C12orf43: variants seen among roughly 807,000 people sequenced by gnomAD.
The protein encoded by C12orf43 is chromosome 12 open reading frame 43.
Under a neutral mutation model 20.6 loss-of-function variants are expected in C12orf43, and 15 were observed. The ratio of observed to expected loss-of-function variants is 0.73; its 90% CI spans 0.49 to 1.12. The LOEUF (loss-of-function observed/expected upper bound fraction) is 1.12. Ranked by LOEUF, C12orf43 falls within the 50% of genes most tolerant of loss-of-function variation. C12orf43 has a pLI of 0.00. For synonymous variants in C12orf43, 144 were observed against 130.8 expected (o/e 1.10, Z -0.69); for missense variants, 334 against 344.4 (o/e 0.97, Z 0.24).
In C12orf43 at chr12:121,004,885, G is replaced by T; in HGVS notation, c.452+118C>A. The stretch of plus-strand genomic sequence containing the variant: ...GAGCTCATGATTTCTCCAGCTGCCT[G>T]ACAGGGCCACTGCCTTGGCCTGGTC... On this transcript the variant is annotated intron_variant, in intron 5 of 5. Transcript: ENST00000288757. The surrounding 1 kb of genome is among the most constrained non-coding windows in gnomAD (Gnocchi z 5.6). 1 of 685,296 alleles carries T rather than the reference G, an allele frequency of 1.5e-6. No homozygotes were observed. Among genetic ancestry groups the T allele is most frequent in the Non-Finnish European group, 2.2e-6 (1 of 449,252 alleles). The allele number at this position is 685,296 out of a possible 1,614,324, so 42.5% of individuals were successfully genotyped here.
intron 1 of C12orf43, chr12:121,012,631 T>C (rs1868481472): frequency 1.8e-6 from 1 of 566,076 alleles, no homozygotes. Flanking sequence ...GGCAGGCGGA[T>C]CACGAGGTCA....
rs1189850844 is a variant in C12orf43, at chr12:121,011,110, C to T, written c.182G>A (p.Ser61Asn). ...AACCCAAAGTGCATAGTACCTGAGG[C>T]TCGGTTGGGAGGTTGACAACTGGCT... ...ANSQLSTSQP[S>N]LRHKVNEHEQ... The change falls in exon 2 of 6, where the codon AGC becomes AAC. Residue 61 changes from serine to asparagine, a missense_variant. Coordinates refer to ENST00000288757, the MANE Select transcript of C12orf43 (RefSeq NM_022895.3). The T allele has an allele frequency of 6.2e-7, 1 of 1,613,968 alleles. No individual in the cohort carries two copies. The highest frequency in any genetic ancestry group is 8.5e-7 in the Non-Finnish European group (1 of 1,179,954).
At chr12:121,013,710 A>G (rs2135886671) in intron 1 of C12orf43, among the ~76,000 whole-genome samples, 1 of 152,342 alleles carries the variant, frequency 6.6e-6, no homozygotes, top group Middle Eastern at 3.4e-3. Flanking sequence ...ATAGTGACCT[A>G]TATTTCCACA....
At position 121,002,251 on chromosome 12, in the gene C12orf43, T is replaced by C; in HGVS notation, c.*1902A>G. On this transcript the variant is annotated 3_prime_UTR_variant, in exon 6 of 6. Transcript: ENST00000288757. The stretch of plus-strand genomic sequence containing the variant: ...TCAGAAGCCTGGGGGCCTGGCTGGC[T>C]GAGGGCAGTTCGCAGCCACCCTGAG... 1 of 440,806 alleles carries C rather than the reference T, an allele frequency of 2.3e-6. No individual in the cohort carries two copies. Among genetic ancestry groups the C allele is most frequent in the South Asian group, 2.0e-5 (1 of 49,394 alleles). The allele number at this position is 440,806 out of a possible 1,614,324, so 27.3% of individuals were successfully genotyped here. A position where few individuals can be genotyped will look rare whatever the true frequency, so the allele number is the denominator to read the frequency against.
intron 1 of C12orf43, 47 bp from the exon 2 acceptor site, chr12:121,011,193 G>A: frequency 6.4e-7 from 1 of 1,559,326 alleles, no homozygotes; most frequent in East Asian, 2.2e-5. Flanking sequence ...AACAATGACA[G>A]CAACAACAAA....
rs549118574 is a variant in C12orf43, at chr12:121,001,794, C to T, written c.*2359G>A. ...TCTGTGCCAGAGCCTGGGGCTCTAA[C>T]GCCTGAGCCCAGGGAGGCCGAAGCT... is the stretch of plus-strand genomic sequence containing the variant. On this transcript the variant is annotated 3_prime_UTR_variant, in exon 6 of 6. Transcript: ENST00000288757. 14 of 536,266 alleles carry T rather than the reference C, an allele frequency of 2.6e-5. No individual in the cohort carries two copies. The highest frequency in any genetic ancestry group is 1.2e-4 in the South Asian group (8 of 65,134). The allele number at this position is 536,266 out of a possible 1,614,324, so 33.2% of individuals were successfully genotyped here.
At chr12:121,014,630 C>A (rs1288541946) in intron 1 of C12orf43, among the ~76,000 whole-genome samples, 268 of 99,190 alleles carry the variant, frequency 2.7e-3, no homozygotes, top group African/African-American at 3.9e-3. Flanking sequence ...AACTCCATCT[C>A]AAAAAAAAAA....
Position 121,003,717 on chromosome 12 carries a change from G to A in C12orf43, c.*436C>T, listed in dbSNP as rs1877717669. The A allele has an allele frequency of 5.8e-6, 1 of 172,404 alleles. No homozygotes were observed. Among genetic ancestry groups the A allele is most frequent in the Non-Finnish European group, 1.2e-5 (1 of 80,794 alleles). 10.7% of individuals were successfully genotyped at this position (172,404 alleles called of 1,614,324 possible). On this transcript the variant is annotated 3_prime_UTR_variant, in exon 6 of 6. Coordinates refer to ENST00000288757, the MANE Select transcript of C12orf43 (RefSeq NM_022895.3). ...GTTTCTCTGGGCCTTGGCCTCTTGG[G>A]GATCCCTTCTCTCATTTTCTAAAAA...
In C12orf43 at chr12:121,001,325, C is replaced by T; in HGVS notation, c.*2828G>A. The T allele has an allele frequency of 8.9e-7, 1 of 1,129,334 alleles. No individual in the cohort carries two copies. Among genetic ancestry groups the T allele is most frequent in the South Asian group, 1.4e-5 (1 of 70,686 alleles). 70.0% of individuals were successfully genotyped at this position (1,129,334 alleles called of 1,614,324 possible). A position where few individuals can be genotyped will look rare whatever the true frequency, so the allele number is the denominator to read the frequency against. Reference sequence around the variant, plus strand: ...CTGGACAGCTGTGCCTCGCTCCCCACTCTGCTCTGATGCATCAGAAAGGGA... The same window carrying T: ...CTGGACAGCTGTGCCTCGCTCCCCATTCTGCTCTGATGCATCAGAAAGGGA... On this transcript the variant is annotated 3_prime_UTR_variant, in exon 6 of 6. Transcript: ENST00000288757.
chr12:121,002,717 G>T lies in C12orf43; in HGVS notation c.*1436C>A. Reference sequence around the variant, plus strand: ...AGCTTCTACTTTTTAAAAAAATTTTGTTTTGGAGACAGGGTCTCACTGTCA... The same window carrying T: ...AGCTTCTACTTTTTAAAAAAATTTTTTTTTGGAGACAGGGTCTCACTGTCA... On this transcript the variant is annotated 3_prime_UTR_variant, in exon 6 of 6. Transcript: ENST00000288757. 3.1e-6 allele frequency: 1 copy of T among 321,852 alleles called. No homozygotes were observed. Among genetic ancestry groups the T allele is most frequent in the South Asian group, 2.5e-5 (1 of 39,416 alleles). The allele number at this position is 321,852 out of a possible 1,614,324, so 19.9% of individuals were successfully genotyped here.
intron 1 of C12orf43, among the ~76,000 whole-genome samples, chr12:121,014,964 G>GA (rs911983968): frequency 5.8e-4 from 85 of 146,898 alleles, no homozygotes; most frequent in Middle Eastern, 3.5e-3. Context: ...TCCTAGTTTT[G>GA]AAAAAAAAAA....
At chr12:121,011,253 A>C in intron 1 of C12orf43, 107 bp from the exon 2 acceptor site, 1 of 804,016 alleles carries the variant, frequency 1.2e-6, no homozygotes, top group African/African-American at 1.7e-5. Context: ...TAACTCATAT[A>C]TATACATACA....
At chr12:121,006,215 CAAAAAAAG>C in intron 4 of C12orf43, 98 bp downstream of exon 4, 30 of 937,812 alleles carry the variant, frequency 3.2e-5, no homozygotes, top group South Asian at 6.6e-5. Flanking sequence ...GTTCCTATCT[CAAAAAAAG>C]AAAAAAAAAA....
intron 3 of C12orf43, among the ~76,000 whole-genome samples, chr12:121,008,927 T>A (rs1218948212): frequency 1.3e-5 from 2 of 152,268 alleles, no homozygotes; most frequent in East Asian, 3.9e-4. Context: ...GCCAAACAAG[T>A]TTGGAAAATG....
Position 121,001,158 on chromosome 12 carries a change from T to C in C12orf43, c.*2995A>G. 1 of 1,614,088 alleles carries C rather than the reference T, an allele frequency of 6.2e-7. No homozygotes were observed. Among genetic ancestry groups the C allele is most frequent in the African/African-American group, 1.3e-5 (1 of 75,038 alleles). On this transcript the variant is annotated 3_prime_UTR_variant, in exon 6 of 6. Transcript: ENST00000288757. ...TCCAACCACAGCGTCATCGAGACCTTCATCTCCACCCAGATGGCCTCTTCC... is the reference window on the plus strand; with the variant it reads ...TCCAACCACAGCGTCATCGAGACCTCCATCTCCACCCAGATGGCCTCTTCC...
chr12:121,016,303 C>T, intron 1 of C12orf43, 27 bp downstream of exon 1: 2 of 1,612,894 alleles, frequency 1.2e-6, no homozygotes, highest in Non-Finnish European at 1.7e-6. Context: ...CGCCCCTCAG[C>T]CAGTCTCCCC....
intron 3 of C12orf43, 90 bp from the exon 4 acceptor site, chr12:121,006,484 G>T: frequency 7.8e-7 from 1 of 1,288,206 alleles, no homozygotes; most frequent in Non-Finnish European, 1.1e-6. Context: ...GATGGGGTAT[G>T]TGATTGTAAA....
At chr12:121,010,093 G>C (rs574084888) in intron 3 of C12orf43, among the ~76,000 whole-genome samples, 4 of 152,358 alleles carry the variant, frequency 2.6e-5, no homozygotes, top group African/African-American at 9.6e-5. Context: ...CTCGAGGTCA[G>C]GAGTTCGAGA....
chr12:121,015,159 A>C (rs1868787903), intron 1 of C12orf43, among the ~76,000 whole-genome samples: 1 of 152,200 alleles, frequency 6.6e-6, no homozygotes, highest in Non-Finnish European at 1.5e-5. Context: ...ATTTAGGTAC[A>C]GTGAGATTTA....
Sources: allele counts gnomAD v4.1 joint callset (sites outside exome capture counted in the v4.1 genomes callset), GRCh38; gene constraint gnomAD v4.1.1; non-coding constraint Gnocchi (gnomAD v3.1); transcripts MANE v1.5; gene names NCBI Gene and HGNC (gene_info 2026-07-23, HGNC 2026-07-21).